The following TBC1D30 variants were observed in gnomAD, a reference collection of about 807,000 sequenced individuals.
TBC1D30 encodes TBC1 domain family, member 30.
In TBC1D30, 31 loss-of-function variants were observed where a neutral mutation model predicts 63.2. The ratio of observed to expected loss-of-function variants is 0.49; its 90% confidence interval spans 0.37 to 0.66. The LOEUF (loss-of-function observed/expected upper bound fraction) is 0.66. Ranked by LOEUF, TBC1D30 falls within the 30% of genes least tolerant of loss-of-function variation. The pLI, the probability that TBC1D30 is intolerant of heterozygous loss-of-function variation, is 0.00. For missense variants in TBC1D30, 810 were observed against 953.6 expected (o/e 0.85, Z 1.98); for synonymous variants, 307 against 361.5 (o/e 0.85, Z 1.71).
At chr12:64,773,160 A>C (rs1870964729) in intron 1 of TBC1D30, among the ~76,000 whole-genome samples, 1 of 152,252 alleles carries the variant, frequency 6.6e-6, no homozygotes, top group Non-Finnish European at 1.5e-5. Context: ...TGGAGAGTCC[A>C]AACCAACTGA....
At chr12:64,784,561 G>A (rs759137876) in intron 1 of TBC1D30, among the ~76,000 whole-genome samples, 3 of 149,868 alleles carry the variant, frequency 2.0e-5, no homozygotes, top group Non-Finnish European at 4.4e-5. Flanking sequence ...TGAGTGGAAG[G>A]CTTTGCCTGC....
intron 9 of TBC1D30, among the ~76,000 whole-genome samples, chr12:64,865,387 A>T (rs926290179): frequency 1.3e-4 from 20 of 151,866 alleles, no homozygotes; most frequent in Middle Eastern, 3.4e-3. Context: ...CTCAAAATTT[A>T]AAAAAAGGGA....
intron 1 of TBC1D30, among the ~76,000 whole-genome samples, chr12:64,771,587 C>T (rs1012912752): frequency 1.3e-5 from 2 of 152,182 alleles, no homozygotes; most frequent in Non-Finnish European, 2.9e-5. Flanking sequence ...ACCACTGCTT[C>T]TCTCTCAGCT....
chr12:64,880,761 C>T lies in TBC1D30; in HGVS notation c.*4973C>T, dbSNP rs555002787. On this transcript the variant is annotated 3_prime_UTR_variant, in exon 12 of 12. Coordinates refer to ENST00000539867, the MANE Select transcript of TBC1D30 (RefSeq NM_015279.2). ...GCAATCTTTATCTAGCTACACCAAC[C>T]TGTGCCCCAGGGGCTTCAAGAGTTG... The T allele has an allele frequency of 6.6e-6, 1 of 152,338 alleles. No homozygotes were observed. The highest frequency in any genetic ancestry group is 2.1e-4 in the South Asian group (1 of 4,824). 9.4% of individuals were successfully genotyped at this position (152,338 alleles called of 1,614,324 possible).
At position 64,876,877 on chromosome 12, in the gene TBC1D30, A is replaced by G. The variant is rs1339136225; in HGVS notation, c.*1089A>G. 1 of 455,916 alleles carries G rather than the reference A, an allele frequency of 2.2e-6. No individual in the cohort carries two copies. Among genetic ancestry groups the G allele is most frequent in the Non-Finnish European group, 4.4e-6 (1 of 226,778 alleles). The allele number at this position is 455,916 out of a possible 1,614,324, so 28.2% of individuals were successfully genotyped here. ...GTCAGGGATAGCACCTCTTGTCTCC[A>G]CTATGCAGATGGGAACTCTGAGCCA... On this transcript the variant is annotated 3_prime_UTR_variant, in exon 12 of 12. Coordinates refer to ENST00000539867, the MANE Select transcript of TBC1D30 (RefSeq NM_015279.2).
exon 1 of TBC1D30, chr12:64,759,530 T>G (rs1592515140): frequency 1.1e-5 from 5 of 467,394 alleles, no homozygotes; most frequent in South Asian, 4.0e-5. Context: ...CATCAGGCAG[T>G]GGCGGAAAAG....
chr12:64,870,840 G>A (rs1424664751), intron 11 of TBC1D30, 32 bp downstream of exon 11: 2 of 1,531,296 alleles, frequency 1.3e-6, no homozygotes, highest in South Asian at 1.2e-5. Flanking sequence ...ATCAATTTCA[G>A]CTCTATCTCA....
At chr12:64,867,637 C>T (rs186429987) in intron 10 of TBC1D30, among the ~76,000 whole-genome samples, 1 of 152,178 alleles carries the variant, frequency 6.6e-6, no homozygotes, top group African/African-American at 2.4e-5. Context: ...TTAGCACAGA[C>T]CCTGGCATAT....
At chr12:64,845,973 T>G (rs1876344141) in intron 8 of TBC1D30, among the ~76,000 whole-genome samples, 1 of 152,136 alleles carries the variant, frequency 6.6e-6, no homozygotes, top group Admixed American at 6.5e-5. Flanking sequence ...CTTGAGCACC[T>G]TTTCATAAGC....
intron 1 of TBC1D30, among the ~76,000 whole-genome samples, chr12:64,826,302 G>A (rs1874343198): frequency 6.6e-6 from 1 of 152,146 alleles, no homozygotes; most frequent in Non-Finnish European, 1.5e-5. Context: ...GATAGTTGTG[G>A]TTTTGGCCAA....
chr12:64,859,325 C>T (rs1877585239), intron 8 of TBC1D30, among the ~76,000 whole-genome samples: 1 of 152,054 alleles, frequency 6.6e-6, no homozygotes, highest in South Asian at 2.1e-4. Context: ...TGTTTCAGGT[C>T]AGTGATTGAG....
At chr12:64,835,720 C>G (rs1875290117) in intron 5 of TBC1D30, among the ~76,000 whole-genome samples, 1 of 151,978 alleles carries the variant, frequency 6.6e-6, no homozygotes. Context: ...TACAAATGAG[C>G]CTAAACATTG....
chr12:64,843,589 AGACTTAGTTTCTCAAATT>A, intron 8 of TBC1D30, 104 bp downstream of exon 8: 1 of 781,936 alleles, frequency 1.3e-6, no homozygotes. Flanking sequence ...GTTAGCTGTC[AGACTTAGTTTCTCAAATT>A]GACCAAGAGT....
chr12:64,855,111 A>G (rs527821945), intron 8 of TBC1D30, among the ~76,000 whole-genome samples: 4 of 151,718 alleles, frequency 2.6e-5, no homozygotes, highest in East Asian at 1.9e-4. Flanking sequence ...TTCTTTTGGC[A>G]GTTTGAATAT....
intron 8 of TBC1D30, among the ~76,000 whole-genome samples, chr12:64,851,842 T>G (rs1876898867): frequency 6.6e-6 from 1 of 152,238 alleles, no homozygotes; most frequent in South Asian, 2.1e-4. Flanking sequence ...AAATTGAATA[T>G]TGGCCTTCAC....
chr12:64,855,278 G>A (rs1877205512), intron 8 of TBC1D30, among the ~76,000 whole-genome samples: 1 of 151,884 alleles, frequency 6.6e-6, no homozygotes, highest in African/African-American at 2.4e-5. Flanking sequence ...ACCTTTGAGA[G>A]TTTGATTGTA....
At chr12:64,795,704 CTT>C (rs1200673199) in intron 2 of TBC1D30, among the ~76,000 whole-genome samples, 33 of 133,068 alleles carry the variant, frequency 2.5e-4, no homozygotes, top group African/African-American at 2.5e-4. Flanking sequence ...CTCCACGCTC[CTT>C]TTTTTTTTTT....
chr12:64,875,472 G>A lies in TBC1D30; in HGVS notation c.1970G>A (p.Gly657Glu). ...VDVSAVQAKL[G>E]ALELNQRDAA... is the part of the protein sequence containing the mutation. ...GTGTCTGCAGTTCAGGCGAAGTTGG[G>A]AGCCCTGGAACTGAACCAGAGGGAT... is the stretch of plus-strand genomic sequence containing the variant. Residue 657 changes from glycine (G) to glutamate (E), a missense_variant, in exon 12 of 12, where the codon GGA becomes GAA. This residue lies in a region of TBC1D30 where 450 missense variants were observed against 473.0 expected (regional missense o/e 0.95). Transcript: ENST00000539867. 6.5e-7 allele frequency: 1 copy of A among 1,536,190 alleles called. No homozygotes were observed. The highest frequency in any genetic ancestry group is 8.7e-7 in the Non-Finnish European group (1 of 1,146,942).
intron 7 of TBC1D30, among the ~76,000 whole-genome samples, chr12:64,839,268 CA>C (rs1444338597): frequency 8.1e-4 from 124 of 152,312 alleles, no homozygotes; most frequent in African/African-American, 2.7e-3. Context: ...GTGATAAAAT[CA>C]AATGAGATAA....
Sources: allele counts gnomAD v4.1 joint callset (sites outside exome capture counted in the v4.1 genomes callset), GRCh38; gene constraint gnomAD v4.1.1; regional missense constraint gnomAD v4.1.1; transcripts MANE v1.5; gene names NCBI Gene and HGNC (gene_info 2026-07-23, HGNC 2026-07-21).